The following PCDHGB3 variants were observed in gnomAD, a reference collection of about 807,000 sequenced individuals.
The protein encoded by PCDHGB3 is protocadherin gamma subfamily B, 3.
In PCDHGB3, 40 loss-of-function variants were observed where a neutral mutation model predicts 59.2. The ratio of observed to expected loss-of-function variants is 0.68; its 90% confidence interval spans 0.52 to 0.88. PCDHGB3 has a LOEUF of 0.88. Among genes scored for constraint, PCDHGB3 ranks in the 40% least tolerant of loss-of-function variants. The pLI is 0.00. For synonymous variants in PCDHGB3, 581 were observed against 503.6 expected, an observed-to-expected ratio of 1.15 and a Z score of -2.06; for missense variants, 1,309 against 1,187.9, an observed-to-expected ratio of 1.10 and a Z score of -1.50.
At chr5:141,506,444 C>CAAA (rs1219684339) in intron 3 of PCDHGB3, among the ~76,000 whole-genome samples, 2 of 95,018 alleles carry the variant, frequency 2.1e-5, no homozygotes, top group African/African-American at 7.9e-5. Context: ...CGCTCTGTCT[C>CAAA]AAAAAAAAAA....
chr5:141,405,225 C>T (rs2154536264), intron 1 of PCDHGB3: 4 of 1,614,082 alleles, frequency 2.5e-6, no homozygotes, highest in Non-Finnish European at 1.7e-6. Context: ...CAGGAGTTCT[C>T]CCTCACCGCT....
At chr5:141,412,163 T>G (rs1005929326) in intron 1 of PCDHGB3, 13 of 152,240 alleles carry the variant, frequency 8.5e-5, no homozygotes, top group African/African-American at 2.9e-4. Flanking sequence ...GAGAAGAGAT[T>G]ATTTATACTG....
chr5:141,485,714 G>A lies in PCDHGB3; in HGVS notation c.2416-9093G>A. 6.2e-7 allele frequency: 1 copy of A among 1,614,182 alleles called. No individual in the cohort carries two copies. The highest frequency in any genetic ancestry group is 8.5e-7 in the Non-Finnish European group (1 of 1,180,042). On this transcript the variant is annotated intron_variant, in intron 1 of 3. Transcript: ENST00000576222. This position sits in a 1 kb window ranked among gnomAD's most constrained non-coding sequence, Gnocchi z 5.7. ...GAGCTCCAATGAACACTTTGCACTG[G>A]ATGTGAAGAAGCGCAGCGACGGCAG...
intron 1 of PCDHGB3, among the ~76,000 whole-genome samples, chr5:141,492,632 C>T (rs1359761285): frequency 1.3e-5 from 2 of 152,256 alleles, no homozygotes; most frequent in Admixed American, 1.3e-4. Context: ...CAGGACTCTA[C>T]GATCCTTGGG....
intron 1 of PCDHGB3, chr5:141,468,497 C>T (rs1033597673): frequency 2.0e-5 from 3 of 152,074 alleles, no homozygotes; most frequent in Non-Finnish European, 4.4e-5. Context: ...GGAAGATTTT[C>T]ATGTGGACAA....
At chr5:141,452,046 T>C (rs767493861) in intron 1 of PCDHGB3, among the ~76,000 whole-genome samples, 1 of 152,242 alleles carries the variant, frequency 6.6e-6, no homozygotes, top group Non-Finnish European at 1.5e-5. Context: ...TAACTCCATT[T>C]GTAATAACTT....
intron 1 of PCDHGB3, chr5:141,374,130 T>G (rs368568776): frequency 1.2e-5 from 20 of 1,604,086 alleles, no homozygotes; most frequent in African/African-American, 2.7e-5. Context: ...CAGGTCCTGC[T>G]CCTCACGCTC....
At chr5:141,419,151 C>T (rs2096335413) in intron 1 of PCDHGB3, 2 of 1,613,800 alleles carry the variant, frequency 1.2e-6, no homozygotes, top group African/African-American at 2.7e-5. Context: ...GGCAAGCCTC[C>T]GTTATCCTCC....
intron 1 of PCDHGB3, chr5:141,376,743 G>A (rs894394205): frequency 9.7e-5 from 48 of 493,300 alleles, no homozygotes; most frequent in Non-Finnish European, 1.5e-4. Flanking sequence ...GCGGACTGCA[G>A]TGGCGCAATC....
chr5:141,470,869 T>C (rs1215083835), intron 1 of PCDHGB3, among the ~76,000 whole-genome samples: 1 of 151,910 alleles, frequency 6.6e-6, no homozygotes, highest in African/African-American at 2.4e-5. Context: ...TTTGTTTGTT[T>C]GTTTTTTTGT....
intron 1 of PCDHGB3, chr5:141,405,437 T>C: frequency 7.0e-7 from 1 of 1,433,230 alleles, no homozygotes; most frequent in Non-Finnish European, 9.6e-7. Flanking sequence ...GTTTTGTTTT[T>C]GAGACAGAGT....
At chr5:141,395,194 C>T (rs867640127) in intron 1 of PCDHGB3, 2 of 1,613,922 alleles carry the variant, frequency 1.2e-6, no homozygotes, top group Non-Finnish European at 1.7e-6. Context: ...TTGTTAACAT[C>T]CGTAGATTTT....
At chr5:141,508,756 C>A (rs890362975) in intron 3 of PCDHGB3, among the ~76,000 whole-genome samples, 2 of 151,904 alleles carry the variant, frequency 1.3e-5, no homozygotes, top group African/African-American at 4.8e-5. Flanking sequence ...CTTTCTCTGG[C>A]GCCTCTGAGG....
At chr5:141,421,355 G>A in intron 1 of PCDHGB3, 1 of 1,613,990 alleles carries the variant, frequency 6.2e-7, no homozygotes, top group East Asian at 2.2e-5. Flanking sequence ...ACCGAAAAGG[G>A]CTCCTTCGTG....
intron 1 of PCDHGB3, among the ~76,000 whole-genome samples, chr5:141,451,391 T>C (rs928399948): frequency 6.6e-6 from 1 of 152,162 alleles, no homozygotes; most frequent in Non-Finnish European, 1.5e-5. Context: ...ACATAGTTAA[T>C]GGCAAAATTA....
At chr5:141,405,227 C>T (rs562247940) in intron 1 of PCDHGB3, 1 of 1,614,114 alleles carries the variant, frequency 6.2e-7, no homozygotes, top group South Asian at 1.1e-5. Flanking sequence ...GGAGTTCTCC[C>T]TCACCGCTGA....
rs1003050993 is a variant in PCDHGB3, at chr5:141,477,637, T to A, written c.2416-17170T>A. ...AAGGAGCTGAAACCGGGCTAGTGGG[T>A]CGCTATTTCACAATAAATCGTGACA... On this transcript the variant is annotated intron_variant, in intron 1 of 3. Transcript: ENST00000576222. This position sits in a 1 kb window ranked among gnomAD's most constrained non-coding sequence, Gnocchi z 4.9. 6.2e-7 allele frequency: 1 copy of A among 1,614,154 alleles called. No individual in the cohort carries two copies. Among genetic ancestry groups the A allele is most frequent in the African/African-American group, 1.3e-5 (1 of 75,040 alleles).
rs367731612 is a variant in PCDHGB3, at chr5:141,419,406, C to T, written c.2415+46597C>T. The T allele has an allele frequency of 6.5e-5, 105 of 1,613,522 alleles. 1 individual carries two copies. The South Asian group carries it at 1.0e-3, about 16-fold the overall frequency. Reference sequence around the variant, plus strand: ...AGCGCGCAGAGCGGGGTGGTGTTCGCGCAGCGCGCCTTCGACCACGAGCAG... The same window carrying T: ...AGCGCGCAGAGCGGGGTGGTGTTCGTGCAGCGCGCCTTCGACCACGAGCAG... On this transcript the variant is annotated intron_variant, in intron 1 of 3. Transcript: ENST00000576222.
rs1364068033 is a variant in PCDHGB3 at position 141,490,353 on chromosome 5, G to A, written c.2416-4454G>A. 3.1e-6 allele frequency: 5 copies of A among 1,614,090 alleles called. No individual in the cohort carries two copies. The highest frequency in any genetic ancestry group is 4.2e-6 in the Non-Finnish European group (5 of 1,180,046). On this transcript the variant is annotated intron_variant, in intron 1 of 3. Transcript: ENST00000576222. This position sits in a 1 kb window ranked among gnomAD's most constrained non-coding sequence, Gnocchi z 5.4. ...CACCAGTGGGCACAGTAGTGGGGTT[G>A]TTTAATGTGCGAGACCGGGACTCAG...
Sources: gnomAD v4.1 joint callset for allele counts (sites outside exome capture counted in the v4.1 genomes callset) on GRCh38, gnomAD v4.1.1 for gene constraint, Gnocchi (gnomAD v3.1) non-coding constraint, MANE v1.5 for transcripts, NCBI Gene and HGNC (gene_info 2026-07-23, HGNC 2026-07-21) for gene names.